Variants in CSMD1 observed in about 807,000 individuals in gnomAD.
CSMD1 encodes the protein CUB and Sushi multiple domains 1, also known as CUB and sushi domain-containing protein 1.
Under a neutral mutation model 417.5 loss-of-function variants are expected in CSMD1, and 213 were observed. The observed-to-expected ratio is 0.51, with a 90% CI of 0.46 to 0.57. The LOEUF (loss-of-function observed/expected upper bound fraction) is 0.57, where lower values mean the gene tolerates loss of function less well. Among genes scored for constraint, CSMD1 ranks in the 20% least tolerant of loss-of-function variants. The pLI, the probability that CSMD1 is intolerant of heterozygous loss-of-function variation, is 0.00. For missense variants in CSMD1, 6,923 were observed against 4,529.7 expected (o/e 1.53, Z -15.17); for synonymous variants, 2,862 against 1,736.8 (o/e 1.65, Z -16.11).
intron 30 of CSMD1, among the ~76,000 whole-genome samples, chr8:3,211,477 G>A (rs375466605): frequency 6.6e-6 from 1 of 152,216 alleles, no homozygotes; most frequent in Admixed American, 6.5e-5. Context: ...TTGATTGGAT[G>A]TCAGATCAAA....
At chr8:3,951,426 C>G (rs781586361) in intron 5 of CSMD1, among the ~76,000 whole-genome samples, 1 of 152,200 alleles carries the variant, frequency 6.6e-6, no homozygotes, top group Non-Finnish European at 1.5e-5. Context: ...AACTTAAACT[C>G]TGTTCATTAG....
At chr8:4,324,798 C>A (rs1381910264) in intron 3 of CSMD1, among the ~76,000 whole-genome samples, 1 of 152,180 alleles carries the variant, frequency 6.6e-6, no homozygotes, top group African/African-American at 2.4e-5. Context: ...TACCTAGCGC[C>A]TGCTTCCCAT....
chr8:4,919,730 G>C (rs769230970), intron 1 of CSMD1, among the ~76,000 whole-genome samples: 2 of 152,114 alleles, frequency 1.3e-5, no homozygotes, highest in Non-Finnish European at 2.9e-5. Context: ...TGATAGTATT[G>C]GAAGCTGGGC....
intron 1 of CSMD1, among the ~76,000 whole-genome samples, chr8:4,741,407 C>G (rs1018846140): frequency 6.6e-6 from 1 of 152,102 alleles, no homozygotes; most frequent in Non-Finnish European, 1.5e-5. Flanking sequence ...AGATTAAATA[C>G]TAAATGACCA....
intron 5 of CSMD1, among the ~76,000 whole-genome samples, chr8:3,974,700 A>C (rs544446609): frequency 6.6e-6 from 1 of 152,134 alleles, no homozygotes; most frequent in East Asian, 1.9e-4. Flanking sequence ...AACAGAATGA[A>C]AATTTTATAT....
intron 3 of CSMD1, among the ~76,000 whole-genome samples, chr8:4,033,617 G>T (rs924778017): frequency 6.6e-6 from 1 of 152,114 alleles, no homozygotes; most frequent in Non-Finnish European, 1.5e-5. Context: ...ATCCTCTTGG[G>T]CACTTGTTCT....
At chr8:3,542,501 T>A (rs1231402233) in intron 10 of CSMD1, among the ~76,000 whole-genome samples, 3 of 152,120 alleles carry the variant, frequency 2.0e-5, no homozygotes, top group African/African-American at 7.2e-5. Context: ...AAGCAATAAA[T>A]CAGTGACTAC....
chr8:3,525,367 C>T (rs1040968833), intron 10 of CSMD1, among the ~76,000 whole-genome samples: 3 of 152,090 alleles, frequency 2.0e-5, no homozygotes, highest in Non-Finnish European at 4.4e-5. Context: ...GGATAAGGAT[C>T]AAAATTCTAA....
intron 3 of CSMD1, among the ~76,000 whole-genome samples, chr8:4,095,188 C>G (rs1563116952): frequency 6.6e-6 from 1 of 152,176 alleles, no homozygotes; most frequent in Non-Finnish European, 1.5e-5. Flanking sequence ...CCACAGCGAA[C>G]ACAAACTGGT....
chr8:4,762,972 T>G (rs1360015469), intron 1 of CSMD1, among the ~76,000 whole-genome samples: 4 of 152,084 alleles, frequency 2.6e-5, no homozygotes, highest in African/African-American at 4.8e-5. Flanking sequence ...TCTGGTGGCG[T>G]GTGGGAGGAG....
Position 3,255,752 on chromosome 8 carries a change from C to T in CSMD1, c.4154-25521G>A, listed in dbSNP as rs1041287550. On this transcript the variant is annotated intron_variant, in intron 26 of 69. Coordinates refer to ENST00000635120, the MANE Select transcript of CSMD1 (RefSeq NM_033225.6). ...TTAGGGTGGGAGTGACCGGATTTTC[C>T]AGGTGCTGTCTGTCAACACTTTCTT... Among the ~76,000 whole-genome samples the T allele has an allele frequency of 2.0e-5, 3 of 152,138 alleles. No homozygotes were observed. In the East Asian group the frequency reaches 5.8e-4, roughly 29 times the overall value.
At chr8:4,838,257 G>T (rs1800619662) in intron 1 of CSMD1, among the ~76,000 whole-genome samples, 1 of 152,210 alleles carries the variant, frequency 6.6e-6, no homozygotes, top group Non-Finnish European at 1.5e-5. Context: ...CTTATTGACT[G>T]AGCAAGTAGT....
In CSMD1 at chr8:4,961,713, T is replaced by A. The variant is rs1016246068; in HGVS notation, c.85+32619A>T. 2.4e-4 allele frequency among the ~76,000 whole-genome samples: 37 copies of A among 152,150 alleles called. 1 individual carries two copies. Among genetic ancestry groups the A allele is most frequent in the Non-Finnish European group, 8.8e-5 (6 of 68,022 alleles). The stretch of plus-strand genomic sequence containing the variant: ...TTTTTTTCTGAAATGATAACGTAAT[T>A]TTATTTGGCTGATATTTTTCTGAGT... On this transcript the variant is annotated intron_variant, in intron 1 of 69. Coordinates refer to ENST00000635120, the MANE Select transcript of CSMD1 (RefSeq NM_033225.6).
chr8:4,994,812 C>G lies in CSMD1; in HGVS notation c.-396G>C, dbSNP rs938089160. ...AGAGAGAGCCAGCGAGTGGGAGATGCGGGGAGGGGGGCGCGGGGGGGAGGA... is the reference window on the plus strand; with the variant it reads ...AGAGAGAGCCAGCGAGTGGGAGATGGGGGGAGGGGGGCGCGGGGGGGAGGA... On this transcript the variant is annotated 5_prime_UTR_variant, in exon 1 of 70. Coordinates refer to ENST00000635120, the MANE Select transcript of CSMD1 (RefSeq NM_033225.6). 2 of 134,422 alleles carry G rather than the reference C, an allele frequency of 1.5e-5. No individual in the cohort carries two copies. The highest frequency in any genetic ancestry group is 1.5e-5 in the Non-Finnish European group (1 of 66,742). 8.3% of individuals were successfully genotyped at this position (134,422 alleles called of 1,614,324 possible).
At chr8:3,533,177 T>C (rs1431788971) in intron 10 of CSMD1, among the ~76,000 whole-genome samples, 3 of 152,210 alleles carry the variant, frequency 2.0e-5, no homozygotes, top group Non-Finnish European at 4.4e-5. Flanking sequence ...GTGCCAAAAA[T>C]TGTACACAAA....
chr8:4,228,556 T>C (rs1178719131), intron 3 of CSMD1, among the ~76,000 whole-genome samples: 18 of 151,340 alleles, frequency 1.2e-4, no homozygotes, highest in Admixed American at 1.2e-3. Flanking sequence ...GCTGTACTTT[T>C]AGTATCCTTG....
chr8:4,443,832 A>T (rs1798622979), intron 2 of CSMD1, among the ~76,000 whole-genome samples: 1 of 152,204 alleles, frequency 6.6e-6, no homozygotes, highest in South Asian at 2.1e-4. Flanking sequence ...TCACAGTGTT[A>T]GTAACGAACT....
chr8:4,905,532 G>C (rs115879944), intron 1 of CSMD1, among the ~76,000 whole-genome samples: 1 of 151,850 alleles, frequency 6.6e-6, no homozygotes, highest in Non-Finnish European at 1.5e-5. Flanking sequence ...TAAAGAAAAA[G>C]AAATCGGTCA....
chr8:4,921,972 C>A (rs1287198060), intron 1 of CSMD1, among the ~76,000 whole-genome samples: 1 of 152,136 alleles, frequency 6.6e-6, no homozygotes, highest in Non-Finnish European at 1.5e-5. Context: ...CTTCACTCAG[C>A]CAAATTTGCT....
Sources: gnomAD v4.1 joint callset for allele counts (sites outside exome capture counted in the v4.1 genomes callset) on GRCh38, gnomAD v4.1.1 for gene constraint, MANE v1.5 for transcripts, NCBI Gene and HGNC (gene_info 2026-07-23, HGNC 2026-07-21) for gene names.